TRPM3: variants seen among roughly 807,000 people sequenced by gnomAD.
TRPM3 encodes the protein long transient receptor potential channel 3.
TRPM3 carries 77 observed loss-of-function variants against 181.2 expected under a neutral mutation model. The observed-to-expected ratio is 0.42, with a 90% CI of 0.35 to 0.51. The LOEUF (loss-of-function observed/expected upper bound fraction) is 0.51, where lower values mean the gene tolerates loss of function less well. Ranked by LOEUF, TRPM3 falls within the 20% of genes least tolerant of loss-of-function variation. The pLI is 0.01. For missense variants in TRPM3, 1,759 were observed against 2,196.7 expected, an observed-to-expected ratio of 0.80 and a Z score of 3.98; for synonymous variants, 745 against 796.4, an observed-to-expected ratio of 0.94 and a Z score of 1.09.
rs77411169 is a variant in TRPM3 at position 71,126,789 on chromosome 9, T to C, written c.184-262278A>G. ...TTATTGGGACAGCATCTCTGACTGC[T>C]GTCCACCCTCTGCACAAATGCCTGT... On this transcript the variant is annotated intron_variant, in intron 1 of 24. Transcript: ENST00000357533. 9.9e-3 allele frequency among the ~76,000 whole-genome samples: 1,504 copies of C among 152,334 alleles called. 21 individuals are homozygous for C. Among genetic ancestry groups the C allele is most frequent in the East Asian group, 0.072 (372 of 5,182 alleles).
intron 8 of TRPM3, among the ~76,000 whole-genome samples, chr9:70,699,489 C>T (rs542588904): frequency 6.6e-6 from 1 of 152,272 alleles, no homozygotes; most frequent in South Asian, 2.1e-4. Flanking sequence ...AAAAATCAAG[C>T]TAGAAAGCAA....
chr9:70,610,563 C>T, intron 19 of TRPM3, 46 bp downstream of exon 19: 1 of 1,593,108 alleles, frequency 6.3e-7, no homozygotes, highest in Non-Finnish European at 8.6e-7. Context: ...TGGACGTTGG[C>T]TCCTTGTGGC....
At chr9:71,300,815 C>A (rs1043327544) in intron 1 of TRPM3, among the ~76,000 whole-genome samples, 2 of 151,966 alleles carry the variant, frequency 1.3e-5, no homozygotes, top group East Asian at 3.9e-4. Flanking sequence ...CTTCTAAAGC[C>A]AATAATCAGA....
At chr9:70,618,370 G>C (rs2063111781) in intron 17 of TRPM3, among the ~76,000 whole-genome samples, 1 of 152,210 alleles carries the variant, frequency 6.6e-6, no homozygotes, top group Admixed American at 6.5e-5. Flanking sequence ...TTTAAGAATA[G>C]ATTAGGATTA....
chr9:71,351,290 C>T (rs1015836666), intron 1 of TRPM3, among the ~76,000 whole-genome samples: 2 of 152,172 alleles, frequency 1.3e-5, no homozygotes, highest in Admixed American at 6.5e-5. Flanking sequence ...TTAGTTTAGA[C>T]TGTAAGCTTA....
chr9:70,683,219 A>C (rs116943087), intron 8 of TRPM3, among the ~76,000 whole-genome samples: 1 of 152,004 alleles, frequency 6.6e-6, no homozygotes, highest in Non-Finnish European at 1.5e-5. Context: ...AGATATTTGA[A>C]CTGAAAACAA....
intron 6 of TRPM3, among the ~76,000 whole-genome samples, chr9:70,824,131 C>T (rs1269553822): frequency 6.6e-6 from 1 of 152,150 alleles, no homozygotes; most frequent in East Asian, 1.9e-4. Context: ...AAGATTATAC[C>T]ATTTATGTAA....
In TRPM3 at chr9:71,121,190, G is replaced by T. The variant is rs772311814; in HGVS notation, c.165C>A (p.Val55=). The T allele has an allele frequency of 6.2e-7, 1 of 1,613,740 alleles. No homozygotes were observed. Among genetic ancestry groups the T allele is most frequent in the South Asian group, 1.1e-5 (1 of 91,024 alleles). ...CAAGTTACAGTACCTTCAGAAGTCT[G>T]ACAGATGGAAGAAAGGCTGCGTGGC... ...KLCHAAFLPS[V]RLLKAQKSWI... The change falls in exon 1 of 26, where the codon GTC becomes GTA. Residue 55 remains valine, a synonymous_variant. Coordinates refer to ENST00000677713, the MANE Select transcript of TRPM3 (RefSeq NM_001366145.2).
In TRPM3 at chr9:70,680,485, CTTCA is replaced by C. The variant is rs369343088; in HGVS notation, c.1345+1017_1345+1020del. On this transcript the variant is annotated intron_variant, in intron 9 of 25. Transcript: ENST00000677713. ...GAATCATTGAGTAGCCCACTTGTCC[CTTCA>C]TTTATTAAACAAAACTTGATTGAAT... Among the ~76,000 whole-genome samples, 7 of 152,230 alleles carry C rather than the reference CTTCA, an allele frequency of 4.6e-5. No homozygotes were observed. In the South Asian group the frequency reaches 1.5e-3, roughly 32 times the overall value.
chr9:70,800,143 T>C (rs2088504959), intron 6 of TRPM3, among the ~76,000 whole-genome samples: 1 of 152,186 alleles, frequency 6.6e-6, no homozygotes. Context: ...TTTCTTGATG[T>C]CCTTAATACA....
chr9:70,818,873 C>T (rs1364496495), intron 6 of TRPM3, among the ~76,000 whole-genome samples: 1 of 152,136 alleles, frequency 6.6e-6, no homozygotes, highest in Admixed American at 6.6e-5. Context: ...TAGCAAGTGG[C>T]ATTAGGATTT....
At chr9:70,630,857 C>T (rs551312993) in intron 12 of TRPM3, among the ~76,000 whole-genome samples, 1 of 152,294 alleles carries the variant, frequency 6.6e-6, no homozygotes, top group Non-Finnish European at 1.5e-5. Flanking sequence ...CTAAGGTTTA[C>T]TTCGTGCCAT....
chr9:70,940,084 C>T (rs1284511604), intron 1 of TRPM3, among the ~76,000 whole-genome samples: 1 of 152,124 alleles, frequency 6.6e-6, no homozygotes, highest in Non-Finnish European at 1.5e-5. Context: ...GGAGCCCTTC[C>T]TTATAAGGAG....
At chr9:71,435,149 T>A (rs1370113391) in intron 1 of TRPM3, among the ~76,000 whole-genome samples, 1 of 152,202 alleles carries the variant, frequency 6.6e-6, no homozygotes, top group African/African-American at 2.4e-5. Flanking sequence ...ATCCATTGGT[T>A]TTCTCACTCA....
At chr9:71,326,644 G>T (rs866785444) in intron 1 of TRPM3, among the ~76,000 whole-genome samples, 1 of 152,148 alleles carries the variant, frequency 6.6e-6, no homozygotes, top group African/African-American at 2.4e-5. Flanking sequence ...ATATTCACCC[G>T]CATTGATACT....
At chr9:70,817,883 T>TA (rs1199532864) in intron 6 of TRPM3, among the ~76,000 whole-genome samples, 5 of 151,970 alleles carry the variant, frequency 3.3e-5, no homozygotes, top group Non-Finnish European at 5.9e-5. Flanking sequence ...ATATAATCTT[T>TA]AAAAAAAGCT....
intron 1 of TRPM3, among the ~76,000 whole-genome samples, chr9:71,157,558 G>C (rs2076069522): frequency 6.6e-6 from 1 of 152,026 alleles, no homozygotes; most frequent in African/African-American, 2.4e-5. Context: ...CACCCACAAA[G>C]GTAATATATC....
At chr9:70,647,140 T>C (rs746559000) in intron 9 of TRPM3, among the ~76,000 whole-genome samples, 17 of 152,240 alleles carry the variant, frequency 1.1e-4, no homozygotes, top group Admixed American at 5.9e-4. Context: ...CCAATCCTAC[T>C]GAAAATATTC....
At chr9:71,272,861 G>T (rs1234224543) in intron 1 of TRPM3, among the ~76,000 whole-genome samples, 1 of 150,658 alleles carries the variant, frequency 6.6e-6, no homozygotes, top group Non-Finnish European at 1.5e-5. Context: ...TATGAACATT[G>T]TATGAAAGCG....
Sources: gnomAD v4.1 joint callset for allele counts (sites outside exome capture counted in the v4.1 genomes callset) on GRCh38, gnomAD v4.1.1 for gene constraint, MANE v1.5 for transcripts, NCBI Gene and HGNC (gene_info 2026-07-23, HGNC 2026-07-21) for gene names.